Variants in KATNIP observed in about 807,000 individuals in gnomAD.
The protein encoded by KATNIP is katanin-interacting protein.
KATNIP carries 126 observed loss-of-function variants against 174.0 expected under a neutral mutation model. That is an observed-to-expected ratio of 0.72 (90% CI 0.63 to 0.84). The LOEUF (loss-of-function observed/expected upper bound fraction) is 0.84. Among genes scored for constraint, KATNIP ranks in the 40% least tolerant of loss-of-function variants. The pLI is 0.00. For missense variants in KATNIP, 1,958 were observed against 2,109.7 expected, an observed-to-expected ratio of 0.93 and a Z score of 1.41; for synonymous variants, 810 against 835.7, an observed-to-expected ratio of 0.97 and a Z score of 0.53.
At chr16:27,662,170 G>T (rs1597098642) in intron 6 of KATNIP, among the ~76,000 whole-genome samples, 1 of 146,564 alleles carries the variant, frequency 6.8e-6, no homozygotes, top group African/African-American at 2.5e-5. Flanking sequence ...CTGAGCTCAA[G>T]CAGTCCGCCT....
chr16:27,691,656 A>G (rs1253477853), intron 8 of KATNIP, among the ~76,000 whole-genome samples: 1 of 152,230 alleles, frequency 6.6e-6, no homozygotes, highest in Non-Finnish European at 1.5e-5. Context: ...CAGGATGGGA[A>G]AAGCTCTGGT....
chr16:27,719,688 CTTTTTTT>C (rs766052561), intron 13 of KATNIP, among the ~76,000 whole-genome samples: 12 of 138,682 alleles, frequency 8.7e-5, no homozygotes, highest in African/African-American at 2.4e-4. Flanking sequence ...GCCCTTATTT[CTTTTTTT>C]TTTTTTTTTC....
intron 6 of KATNIP, among the ~76,000 whole-genome samples, chr16:27,675,613 G>A (rs573028694): frequency 1.3e-5 from 2 of 152,288 alleles, no homozygotes; most frequent in East Asian, 3.9e-4. Context: ...TTTTCAGGAA[G>A]AGCAGCCTGT....
intron 19 of KATNIP, among the ~76,000 whole-genome samples, chr16:27,764,383 G>A (rs1242246174): frequency 2.0e-5 from 3 of 152,224 alleles, no homozygotes; most frequent in African/African-American, 7.2e-5. Flanking sequence ...CCTGATTGAT[G>A]TTTAAATCAT....
At chr16:27,680,849 C>A (rs990971462) in intron 7 of KATNIP, among the ~76,000 whole-genome samples, 1 of 152,180 alleles carries the variant, frequency 6.6e-6, no homozygotes, top group East Asian at 1.9e-4. Context: ...TGCTTGCCAC[C>A]GTACACAGCT....
At chr16:27,649,925 T>G (rs1213944354) in intron 6 of KATNIP, among the ~76,000 whole-genome samples, 22 of 152,084 alleles carry the variant, frequency 1.4e-4, no homozygotes, top group Admixed American at 1.4e-3. Context: ...CCTGTAATCC[T>G]AGCACTTTGG....
In KATNIP at chr16:27,635,465, C is replaced by T. The variant is rs912845184; in HGVS notation, c.408+4303C>T. Among the ~76,000 whole-genome samples, 4 of 152,112 alleles carry T rather than the reference C, an allele frequency of 2.6e-5. No homozygotes were observed. In the East Asian group the frequency reaches 7.7e-4, roughly 29 times the overall value. ...CACACCCAGGCTTTTGGGAACCAACCTTAAAGATAGACACAAACCAGGGAG... is the reference window on the plus strand; with the variant it reads ...CACACCCAGGCTTTTGGGAACCAACTTTAAAGATAGACACAAACCAGGGAG... On this transcript the variant is annotated intron_variant, in intron 5 of 27. Coordinates refer to ENST00000261588, the MANE Select transcript of KATNIP (RefSeq NM_015202.5).
chr16:27,752,591 G>T (rs931707382), intron 17 of KATNIP, among the ~76,000 whole-genome samples: 15 of 152,064 alleles, frequency 9.9e-5, no homozygotes, highest in African/African-American at 1.7e-4. Flanking sequence ...TGGCACTGTC[G>T]CCCAGGCTGG....
chr16:27,757,380 C>T (rs553962627), intron 18 of KATNIP: 193 of 436,360 alleles, frequency 4.4e-4, no homozygotes, highest in African/African-American at 3.7e-3. Context: ...CAGTGTGGAC[C>T]GAGCACAGGG....
chr16:27,592,270 C>CTTTTTT (rs71137799), intron 2 of KATNIP, among the ~76,000 whole-genome samples: 5 of 44,820 alleles, frequency 1.1e-4, no homozygotes, highest in Non-Finnish European at 1.1e-4. Flanking sequence ...GCATATATTA[C>CTTTTTT]TTTTTTTTTT....
chr16:27,573,802 G>A (rs768525785), intron 1 of KATNIP, 99 bp from the exon 2 acceptor site: 2 of 1,039,128 alleles, frequency 1.9e-6, no homozygotes, highest in Non-Finnish European at 3.0e-6. Context: ...GATTATGATT[G>A]GTCCCATCTA....
chr16:27,758,639 G>A (rs947371363), intron 18 of KATNIP, among the ~76,000 whole-genome samples: 1 of 152,078 alleles, frequency 6.6e-6, no homozygotes, highest in Non-Finnish European at 1.5e-5. Context: ...TGGCCGCTTG[G>A]TTCCACCTAT....
chr16:27,770,658 GGA>G (rs1457541111), intron 21 of KATNIP, among the ~76,000 whole-genome samples: 1 of 152,200 alleles, frequency 6.6e-6, no homozygotes, highest in African/African-American at 2.4e-5. Flanking sequence ...CACTGACAGC[GGA>G]CCAGGGAGAG....
At chr16:27,771,442 C>A in intron 21 of KATNIP, 146 bp from the exon 22 acceptor site, 1 of 668,818 alleles carries the variant, frequency 1.5e-6, no homozygotes, top group East Asian at 2.9e-5. Context: ...TCCACACGAG[C>A]AGGGGCCTCA....
intron 1 of KATNIP, among the ~76,000 whole-genome samples, chr16:27,559,159 G>T (rs915244061): frequency 6.6e-6 from 1 of 152,216 alleles, no homozygotes; most frequent in Non-Finnish European, 1.5e-5. Flanking sequence ...GAAACTGTTT[G>T]CAGAGCACTT....
chr16:27,761,773 G>A (rs1271479588), intron 19 of KATNIP, among the ~76,000 whole-genome samples, 183 bp downstream of exon 19: 1 of 152,198 alleles, frequency 6.6e-6, no homozygotes, highest in African/African-American at 2.4e-5. Context: ...AAAGAGAGGT[G>A]GGAGGTGATT....
chr16:27,714,096 C>T (rs2079815901), intron 13 of KATNIP, among the ~76,000 whole-genome samples: 1 of 151,576 alleles, frequency 6.6e-6, no homozygotes, highest in Admixed American at 6.6e-5. Flanking sequence ...CCTCTTCCTC[C>T]AGTTTTTCAC....
chr16:27,641,568 G>T (rs921124891), intron 5 of KATNIP, among the ~76,000 whole-genome samples: 9 of 152,158 alleles, frequency 5.9e-5, no homozygotes, highest in African/African-American at 2.2e-4. Context: ...ATCTCAAAAA[G>T]CGAAAACAGG....
At chr16:27,621,045 C>G (rs1007035465) in intron 3 of KATNIP, among the ~76,000 whole-genome samples, 13 of 152,108 alleles carry the variant, frequency 8.5e-5, no homozygotes, top group African/African-American at 2.4e-5. Flanking sequence ...CTGCTTGTAA[C>G]CCCAACTATG....
Sources: gnomAD v4.1 joint callset for allele counts (sites outside exome capture counted in the v4.1 genomes callset) on GRCh38, gnomAD v4.1.1 for gene constraint, MANE v1.5 for transcripts, NCBI Gene and HGNC (gene_info 2026-07-23, HGNC 2026-07-21) for gene names.